ARHGAP40: variants seen among roughly 807,000 people sequenced by gnomAD.
ARHGAP40 encodes Rho GTPase activating protein 40.
Under a neutral mutation model 73.5 loss-of-function variants are expected in ARHGAP40, and 43 were observed. The ratio of observed to expected loss-of-function variants is 0.58; its 90% CI spans 0.46 to 0.75. The LOEUF is 0.75. ARHGAP40 is among the 30% of genes least tolerant of loss of function. The pLI is 0.00. For synonymous variants in ARHGAP40, 300 were observed against 352.8 expected (o/e 0.85, Z 1.68); for missense variants, 734 against 861.8 (o/e 0.85, Z 1.86).
At chr20:38,601,997 C>T in exon 1 of ARHGAP40, 2 of 1,287,772 alleles carry the variant, frequency 1.6e-6, no homozygotes, top group South Asian at 1.2e-5. Context: ...GGCCCCAGGG[C>T]CCCTAGCCTC....
chr20:38,627,131 G>T, exon 3 of ARHGAP40: 1 of 1,305,430 alleles, frequency 7.7e-7, no homozygotes, highest in Non-Finnish European at 1.0e-6. Context: ...GCCGCCGGCT[G>T]GACATCTATG....
At chr20:38,638,325 A>T (rs552149988) in intron 7 of ARHGAP40, among the ~76,000 whole-genome samples, 1 of 152,108 alleles carries the variant, frequency 6.6e-6, no homozygotes, top group Non-Finnish European at 1.5e-5. Flanking sequence ...AAAATACATA[A>T]GTAAATAAAT....
intron 1 of ARHGAP40, chr20:38,614,853 G>C (rs974675105): frequency 5.3e-6 from 5 of 938,038 alleles, no homozygotes; most frequent in Non-Finnish European, 8.6e-6. Flanking sequence ...AGAACCATGA[G>C]TACCTCATCA....
At chr20:38,643,937 C>T (rs1261411100) in intron 11 of ARHGAP40, 27 bp downstream of exon 11, 1 of 1,271,376 alleles carries the variant, frequency 7.9e-7, no homozygotes, top group South Asian at 1.3e-5. Flanking sequence ...GCTGGGTATC[C>T]CTCTGGGTGC....
intron 1 of ARHGAP40, among the ~76,000 whole-genome samples, chr20:38,608,060 C>T (rs2088782466): frequency 6.6e-6 from 1 of 152,252 alleles, no homozygotes; most frequent in East Asian, 1.9e-4. Flanking sequence ...TTTATAGTGT[C>T]TTTTGTCATA....
exon 1 of ARHGAP40, chr20:38,601,938 A>G: frequency 7.8e-7 from 1 of 1,287,774 alleles, no homozygotes; most frequent in Non-Finnish European, 1.0e-6. Flanking sequence ...TCGAGGTGCC[A>G]GCCCATGGCC....
intron 11 of ARHGAP40, 106 bp from the exon 12 acceptor site, chr20:38,645,941 G>A: frequency 9.3e-7 from 1 of 1,072,886 alleles, no homozygotes; most frequent in Non-Finnish European, 1.2e-6. Flanking sequence ...TCCAAGCCCT[G>A]TGGGACGCTG....
chr20:38,646,045 A>G lies in ARHGAP40; in HGVS notation c.1570-2A>G. The stretch of plus-strand genomic sequence containing the variant: ...TGCCAAAACTTGATCCTTTCTGGCC[A>G]GGTCGCCTCTTTCCTGGTCGCCCAG... On this transcript the variant is annotated splice_acceptor_variant, in intron 11 of 14. Coordinates refer to ENST00000373345, the Ensembl canonical transcript of ARHGAP40. LOFTEE classifies it high-confidence loss of function. This position sits in a 1 kb window ranked among gnomAD's most constrained non-coding sequence, Gnocchi z 4.5. The G allele has an allele frequency of 1.5e-6, 2 of 1,302,722 alleles. No homozygotes were observed. The highest frequency in any genetic ancestry group is 2.0e-6 in the Non-Finnish European group (2 of 987,946). The allele number at this position is 1,302,722 out of a possible 1,614,324, so 80.7% of individuals were successfully genotyped here.
exon 1 of ARHGAP40, chr20:38,601,966 C>T: frequency 1.6e-6 from 2 of 1,287,924 alleles, no homozygotes; most frequent in Non-Finnish European, 1.0e-6. Flanking sequence ...CCCTCCTCCC[C>T]GCCGCCCAGA....
chr20:38,617,708 C>T (rs78362016), intron 1 of ARHGAP40, among the ~76,000 whole-genome samples: 5,140 of 152,258 alleles, frequency 0.034, 278 homozygotes, highest in African/African-American at 0.12. Context: ...GCTTGTAAGC[C>T]CCTGCCCACT....
chr20:38,620,884 G>T (rs778379871), intron 1 of ARHGAP40, among the ~76,000 whole-genome samples: 5 of 152,192 alleles, frequency 3.3e-5, no homozygotes, highest in Non-Finnish European at 7.3e-5. Context: ...TTGAGAGGAA[G>T]CCACAAGCCA....
rs1031465427 is a variant in ARHGAP40, at chr20:38,646,197, C to T, written c.1710+10C>T. ...GGACGGCCTCGAGGCGGTGAGTGCC[C>T]CCGACCCCAGACAGGTGGAGAAGGG... On this transcript the variant is annotated intron_variant, in intron 12 of 14. Coordinates refer to ENST00000373345, the Ensembl canonical transcript of ARHGAP40. The surrounding 1 kb of genome is among the most constrained non-coding windows in gnomAD (Gnocchi z 4.5). 7.7e-7 allele frequency: 1 copy of T among 1,298,026 alleles called. No homozygotes were observed. The highest frequency in any genetic ancestry group is 1.0e-6 in the Non-Finnish European group (1 of 985,222). 80.4% of individuals were successfully genotyped at this position (1,298,026 alleles called of 1,614,324 possible).
intron 9 of ARHGAP40, among the ~76,000 whole-genome samples, chr20:38,640,845 C>T (rs944138661): frequency 1.1e-4 from 16 of 152,320 alleles, no homozygotes; most frequent in African/African-American, 3.4e-4. Flanking sequence ...AGGGGCCTTC[C>T]GTGACCCCAC....
intron 5 of ARHGAP40, among the ~76,000 whole-genome samples, chr20:38,633,803 G>C (rs549917267): frequency 3.3e-5 from 5 of 152,330 alleles, no homozygotes; most frequent in African/African-American, 1.2e-4. Context: ...GATTCCCAAG[G>C]TGGCCTCTAG....
chr20:38,615,423 G>T, intron 1 of ARHGAP40: 1 of 722,486 alleles, frequency 1.4e-6, no homozygotes, highest in Non-Finnish European at 2.6e-6. Context: ...TGAAGTTGGG[G>T]ATAATGGTAA....
At chr20:38,650,425 C>A in exon 15 of ARHGAP40, 1 of 470,976 alleles carries the variant, frequency 2.1e-6, no homozygotes, top group Admixed American at 2.3e-5. Context: ...TGACCTTGGA[C>A]AAGCCCCTTG....
At chr20:38,627,642 T>TG (rs146796325) in intron 3 of ARHGAP40, among the ~76,000 whole-genome samples, 34 of 84,490 alleles carry the variant, frequency 4.0e-4, no homozygotes, top group African/African-American at 5.7e-4. Context: ...GGGGTGTGTG[T>TG]GGGGTGTGTT....
intron 3 of ARHGAP40, among the ~76,000 whole-genome samples, chr20:38,627,434 C>G (rs1311822365): frequency 2.2e-3 from 130 of 58,968 alleles, no homozygotes; most frequent in Non-Finnish European, 4.0e-3. Context: ...TGTGTGTTGT[C>G]TGTGTTGGGG....
chr20:38,625,373 G>A (rs1323719365), intron 2 of ARHGAP40, among the ~76,000 whole-genome samples: 1 of 151,604 alleles, frequency 6.6e-6, no homozygotes, highest in East Asian at 1.9e-4. Context: ...ATCCTGAGTG[G>A]CATGGAGCCA....
Sources: allele counts gnomAD v4.1 joint callset (sites outside exome capture counted in the v4.1 genomes callset), GRCh38; gene constraint gnomAD v4.1.1; non-coding constraint Gnocchi (gnomAD v3.1); transcripts MANE v1.5; gene names NCBI Gene and HGNC (gene_info 2026-07-23, HGNC 2026-07-21).